The following RYR3 variants were observed in gnomAD, a reference collection of about 807,000 sequenced individuals.
RYR3 encodes the protein ryanodine receptor 3, also known as brain ryanodine receptor-calcium release channel.
A neutral mutation model predicts 584.3 loss-of-function variants in RYR3; 207 were observed. The ratio of observed to expected loss-of-function variants is 0.35; its 90% CI spans 0.32 to 0.40. RYR3 has a LOEUF of 0.40. Ranked by LOEUF, RYR3 falls within the 10% of genes least tolerant of loss-of-function variation. The pLI is 1.00. For synonymous variants in RYR3, 2,416 were observed against 2,248.5 expected, an observed-to-expected ratio of 1.07 and a Z score of -2.11; for missense variants, 5,616 against 6,089.2, an observed-to-expected ratio of 0.92 and a Z score of 2.59.
Position 33,826,673 on chromosome 15 carries a change from T to C in RYR3, c.11166T>C (p.Gly3722=). The change falls in exon 84 of 104, where the codon GGT becomes GGC. Residue 3722 remains glycine (G), a splice_region_variant and synonymous_variant. Transcript: ENST00000634891. ...EEGTLIVRER[G]EKVLQNDEFT... ...TCATCAACGTTCTGTGTTTTCAAGGTGAAAAAGTACTCCAGAATGACGAGT... is the reference window on the plus strand; with the variant it reads ...TCATCAACGTTCTGTGTTTTCAAGGCGAAAAAGTACTCCAGAATGACGAGT... 1 of 1,613,704 alleles carries C rather than the reference T, an allele frequency of 6.2e-7. No homozygotes were observed. Among genetic ancestry groups the C allele is most frequent in the Non-Finnish European group, 8.5e-7 (1 of 1,179,596 alleles).
At chr15:33,634,381 T>C (rs757777000) in intron 24 of RYR3, among the ~76,000 whole-genome samples, 7 of 152,192 alleles carry the variant, frequency 4.6e-5, no homozygotes, top group Non-Finnish European at 7.3e-5. Flanking sequence ...GCTTTGAGCA[T>C]TAGTAAAATG....
chr15:33,624,351 G>A (rs940863006), intron 20 of RYR3, among the ~76,000 whole-genome samples: 32 of 152,186 alleles, frequency 2.1e-4, no homozygotes, highest in Non-Finnish European at 7.4e-5. Flanking sequence ...TGTAATAAAT[G>A]CAAAATGGAC....
intron 1 of RYR3, among the ~76,000 whole-genome samples, chr15:33,404,386 C>T (rs1177722937): frequency 4.6e-5 from 7 of 152,174 alleles, no homozygotes; most frequent in Admixed American, 6.5e-5. Flanking sequence ...ACTTGGCCAA[C>T]GTCACACAGA....
intron 1 of RYR3, among the ~76,000 whole-genome samples, chr15:33,338,022 G>A (rs1319658358): frequency 1.4e-5 from 2 of 138,168 alleles, no homozygotes; most frequent in Admixed American, 1.6e-4. Context: ...TTGGCTCACC[G>A]AAAGCTCCGC....
rs771563628 is a variant in RYR3 at position 33,620,456 on chromosome 15, G to A, written c.2358-3351G>A. Among the ~76,000 whole-genome samples, 5 of 152,266 alleles carry A rather than the reference G, an allele frequency of 3.3e-5. No homozygotes were observed. The South Asian group carries it at 6.2e-4, about 19-fold the overall frequency. On this transcript the variant is annotated intron_variant, in intron 19 of 103. Transcript: ENST00000634891. Reference sequence around the variant, plus strand: ...ACAGTTTTTTAGTATATACTACATAGTTGACTCAGCACTTCACTTTAGGAT... The same window carrying A: ...ACAGTTTTTTAGTATATACTACATAATTGACTCAGCACTTCACTTTAGGAT...
intron 53 of RYR3, among the ~76,000 whole-genome samples, chr15:33,747,376 CTTTT>C (rs34350928): frequency 1.1e-5 from 1 of 95,078 alleles, no homozygotes; most frequent in Non-Finnish European, 2.0e-5. Context: ...AAAGAGAAAT[CTTTT>C]TTTTTTTTTT....
intron 1 of RYR3, among the ~76,000 whole-genome samples, chr15:33,376,884 A>G (rs183022592): frequency 2.4e-4 from 36 of 152,300 alleles, no homozygotes; most frequent in African/African-American, 7.9e-4. Context: ...AATTTTTCCT[A>G]TCTTTATTGA....
At chr15:33,827,031 G>C (rs1210798953) in intron 84 of RYR3, among the ~76,000 whole-genome samples, 168 bp from the exon 85 acceptor site, 1 of 152,182 alleles carries the variant, frequency 6.6e-6, no homozygotes, top group Non-Finnish European at 1.5e-5. Flanking sequence ...CGCAGGTTGG[G>C]GGGGTGCTCA....
chr15:33,793,549 A>T (rs986458341), intron 67 of RYR3, among the ~76,000 whole-genome samples: 2 of 151,968 alleles, frequency 1.3e-5, no homozygotes, highest in Admixed American at 6.6e-5. Flanking sequence ...AATAAAAAAA[A>T]CTCCTATTAC....
At chr15:33,704,586 G>T (rs543088343) in intron 42 of RYR3, among the ~76,000 whole-genome samples, 1 of 152,150 alleles carries the variant, frequency 6.6e-6, no homozygotes, top group Admixed American at 6.5e-5. Flanking sequence ...TCTGTTATTC[G>T]TACATTTAGA....
chr15:33,389,040 A>G (rs2041821465), intron 1 of RYR3, among the ~76,000 whole-genome samples: 2 of 137,698 alleles, frequency 1.5e-5, no homozygotes, highest in South Asian at 4.6e-4. Context: ...GAACACATGG[A>G]CACAGGAAGG....
At chr15:33,416,038 C>T (rs899197460) in intron 1 of RYR3, among the ~76,000 whole-genome samples, 4 of 152,136 alleles carry the variant, frequency 2.6e-5, no homozygotes, top group Admixed American at 1.3e-4. Flanking sequence ...TGATTTCATT[C>T]TTTTTTATGG....
rs375314001 is a variant in RYR3, at chr15:33,749,968, G to A, written c.8200-11G>A. The A allele has an allele frequency of 4.3e-6, 7 of 1,610,308 alleles. No homozygotes were observed. Among genetic ancestry groups the A allele is most frequent in the Non-Finnish European group, 5.1e-6 (6 of 1,178,716 alleles). ...TTTCTTTTTGACTTGGCTCTTCTTG[G>A]TGGGACACAGGGAATGGTGGAGGTC... is the stretch of plus-strand genomic sequence containing the variant. On this transcript the variant is annotated splice_polypyrimidine_tract_variant and intron_variant, in intron 55 of 103. Transcript: ENST00000634891.
At chr15:33,572,638 T>TAA (rs71117149) in intron 12 of RYR3, among the ~76,000 whole-genome samples, 60,066 of 99,358 alleles carry the variant, frequency 0.6, 19,358 homozygotes, top group Middle Eastern at 0.76. Flanking sequence ...CTCATTAAAT[T>TAA]AAAAAAAAAA....
At chr15:33,495,540 A>G (rs1446014138) in intron 2 of RYR3, among the ~76,000 whole-genome samples, 1 of 152,194 alleles carries the variant, frequency 6.6e-6, no homozygotes, top group African/African-American at 2.4e-5. Context: ...GTACAATTGT[A>G]TAGATAGTTT....
At chr15:33,441,904 A>G (rs1472406063) in intron 1 of RYR3, among the ~76,000 whole-genome samples, 1 of 152,216 alleles carries the variant, frequency 6.6e-6, no homozygotes, top group Non-Finnish European at 1.5e-5. Context: ...ACAGGATAAG[A>G]AGAGAAAAAA....
At chr15:33,607,061 C>T (rs2059943494) in intron 18 of RYR3, among the ~76,000 whole-genome samples, 1 of 152,164 alleles carries the variant, frequency 6.6e-6, no homozygotes, top group Admixed American at 6.5e-5. Context: ...TGACTCAGAC[C>T]TTTCCAACCC....
At chr15:33,349,420 T>C (rs1045507551) in intron 1 of RYR3, among the ~76,000 whole-genome samples, 1 of 152,154 alleles carries the variant, frequency 6.6e-6, no homozygotes, top group Non-Finnish European at 1.5e-5. Flanking sequence ...TTCCTGTTGC[T>C]TGCCATCCTT....
intron 38 of RYR3, among the ~76,000 whole-genome samples, chr15:33,673,975 A>G (rs1351964014): frequency 6.6e-6 from 1 of 152,032 alleles, no homozygotes; most frequent in African/African-American, 2.4e-5. Context: ...ACAGAATGTT[A>G]CCTCTCGCAG....
Sources: gnomAD v4.1 joint callset for allele counts (sites outside exome capture counted in the v4.1 genomes callset) on GRCh38, gnomAD v4.1.1 for gene constraint, MANE v1.5 for transcripts, NCBI Gene and HGNC (gene_info 2026-07-23, HGNC 2026-07-21) for gene names.